The following HTRA1 variants were observed in gnomAD, a reference collection of about 807,000 sequenced individuals.
HTRA1 encodes HtrA serine peptidase 1, also known as serine protease HTRA1.
HTRA1 carries 26 observed loss-of-function variants against 49.7 expected under a neutral mutation model. That is an observed-to-expected ratio of 0.52 (90% CI 0.38 to 0.73). The LOEUF (loss-of-function observed/expected upper bound fraction) is 0.73, where lower values mean the gene tolerates loss of function less well. HTRA1 is among the 30% of genes least tolerant of loss of function. The probability of loss-of-function intolerance (pLI) is 0.00; values close to 1 mark genes in which losing one functional copy is unlikely to be tolerated. For synonymous variants in HTRA1, 291 were observed against 286.9 expected, an observed-to-expected ratio of 1.01 and a Z score of -0.14; for missense variants, 561 against 667.2, an observed-to-expected ratio of 0.84 and a Z score of 1.75.
chr10:122,494,308 G>A lies in HTRA1; in HGVS notation c.777+4682G>A, dbSNP rs901341848. ...TAGGACGTTCACAGCTGTCTGCCCCGGAGGAAGCAAGGGCACCCGCCACAT... is the reference window on the plus strand; with the variant it reads ...TAGGACGTTCACAGCTGTCTGCCCCAGAGGAAGCAAGGGCACCCGCCACAT... On this transcript the variant is annotated intron_variant, in intron 3 of 8. Coordinates refer to ENST00000368984, the MANE Select transcript of HTRA1 (RefSeq NM_002775.5). This position sits in a 1 kb window ranked among gnomAD's most constrained non-coding sequence, Gnocchi z 4.0. Among the ~76,000 whole-genome samples the A allele has an allele frequency of 1.3e-5, 2 of 152,116 alleles. No homozygotes were observed. The highest frequency in any genetic ancestry group is 2.1e-4 in the South Asian group (1 of 4,818).
chr10:122,479,278 G>C (rs1298214820), intron 1 of HTRA1, among the ~76,000 whole-genome samples: 1 of 152,132 alleles, frequency 6.6e-6, no homozygotes, highest in Non-Finnish European at 1.5e-5. Context: ...GCTGGAGGCT[G>C]GCTGAGAAGG....
At chr10:122,507,079 A>G (rs1272096584) in intron 4 of HTRA1, among the ~76,000 whole-genome samples, 194 bp downstream of exon 4, 2 of 152,196 alleles carry the variant, frequency 1.3e-5, no homozygotes, top group Non-Finnish European at 2.9e-5. Context: ...GAGCAGGTGG[A>G]CAGCCAGCCT....
rs1370447426 is a variant in HTRA1, at chr10:122,461,784, G to A, written c.132G>A (p.Ala44=). Reference sequence around the variant, plus strand: ...GGTGCCCAGACCGCTGCGAGCCGGCGCGCTGCCCGCCGCAGCCGGAGCACT... The same window carrying A: ...GGTGCCCAGACCGCTGCGAGCCGGCACGCTGCCCGCCGCAGCCGGAGCACT... ...AAGCPDRCEP[A]RCPPQPEHCE... is the part of the protein sequence containing the mutation. The change falls in exon 1 of 9, where the codon GCG becomes GCA. Residue 44 remains alanine (A), a synonymous_variant. Transcript: ENST00000368984. The A allele has an allele frequency of 1.9e-6, 2 of 1,049,308 alleles. No individual in the cohort carries two copies. The highest frequency in any genetic ancestry group is 3.4e-5 in the African/African-American group (2 of 58,188). The allele number at this position is 1,049,308 out of a possible 1,614,324, so 65.0% of individuals were successfully genotyped here. A position where few individuals can be genotyped will look rare whatever the true frequency, so the allele number is the denominator to read the frequency against.
Position 122,461,667 on chromosome 10 carries a change from C to T in HTRA1, c.15C>T (p.Arg5=). ...CCAGAGTCGCCATGCAGATCCCGCGCGCCGCTCTTCTCCCGCTGCTGCTGC... is the reference window on the plus strand; with the variant it reads ...CCAGAGTCGCCATGCAGATCCCGCGTGCCGCTCTTCTCCCGCTGCTGCTGC... MQIP[R]AALLPLLLLL... is the part of the protein sequence containing the mutation. Residue 5 remains arginine, a synonymous_variant, in exon 1 of 9, where the codon CGC becomes CGT. Transcript: ENST00000368984. 1 of 1,314,310 alleles carries T rather than the reference C, an allele frequency of 7.6e-7. No individual in the cohort carries two copies. The allele number at this position is 1,314,310 out of a possible 1,614,324, so 81.4% of individuals were successfully genotyped here. A position where few individuals can be genotyped will look rare whatever the true frequency, so the allele number is the denominator to read the frequency against.
At chr10:122,495,032 G>A (rs776641524) in intron 3 of HTRA1, among the ~76,000 whole-genome samples, 7 of 151,928 alleles carry the variant, frequency 4.6e-5, no homozygotes, top group Non-Finnish European at 7.4e-5. Flanking sequence ...GACTCACGCC[G>A]GTTCTCCTCA....
At chr10:122,469,675 C>T (rs2097485298) in intron 1 of HTRA1, among the ~76,000 whole-genome samples, 1 of 152,144 alleles carries the variant, frequency 6.6e-6, no homozygotes, top group African/African-American at 2.4e-5. Context: ...CCCAGAGAGG[C>T]AGGGCATTAT....
At chr10:122,477,259 G>T (rs1034696069) in intron 1 of HTRA1, among the ~76,000 whole-genome samples, 5 of 152,176 alleles carry the variant, frequency 3.3e-5, no homozygotes, top group Non-Finnish European at 7.3e-5. Flanking sequence ...GAGCCACCAT[G>T]CCCGGCCTGT....
chr10:122,503,582 C>T (rs1033228945), intron 3 of HTRA1, among the ~76,000 whole-genome samples: 3 of 152,184 alleles, frequency 2.0e-5, no homozygotes, highest in Non-Finnish European at 2.9e-5. Flanking sequence ...ATGTACTGGG[C>T]GTGTGGGTCT....
chr10:122,493,528 G>T (rs935715059), intron 3 of HTRA1, among the ~76,000 whole-genome samples: 2 of 152,116 alleles, frequency 1.3e-5, no homozygotes, highest in Non-Finnish European at 2.9e-5. Context: ...GCAGTTTGGG[G>T]CAGGGGTGGG....
At chr10:122,491,033 G>T (rs1334902215) in intron 3 of HTRA1, among the ~76,000 whole-genome samples, 6 of 152,204 alleles carry the variant, frequency 3.9e-5, no homozygotes, top group Non-Finnish European at 7.3e-5. Flanking sequence ...CTGCAGTTGT[G>T]TGTTATTTCT....
chr10:122,476,310 A>C (rs2097488441), intron 1 of HTRA1, among the ~76,000 whole-genome samples: 1 of 152,182 alleles, frequency 6.6e-6, no homozygotes, highest in Admixed American at 6.5e-5. Context: ...AACCTCACAA[A>C]GGGAGCTTTT....
chr10:122,480,209 T>TA (rs2097490382), intron 1 of HTRA1, among the ~76,000 whole-genome samples: 1 of 151,878 alleles, frequency 6.6e-6, no homozygotes, highest in Non-Finnish European at 1.5e-5. Context: ...GGCATTAACT[T>TA]AGAGCCGAAA....
At chr10:122,492,019 C>A (rs2097496095) in intron 3 of HTRA1, among the ~76,000 whole-genome samples, 1 of 152,130 alleles carries the variant, frequency 6.6e-6, no homozygotes, top group Non-Finnish European at 1.5e-5. Flanking sequence ...GAAGCTCTGG[C>A]TGGCCTTGCT....
intron 2 of HTRA1, 62 bp downstream of exon 2, chr10:122,489,063 G>A (rs2133438442): frequency 8.6e-7 from 1 of 1,164,910 alleles, no homozygotes; most frequent in Admixed American, 1.7e-5. Flanking sequence ...AGCAAAACAT[G>A]AGAGCTATTT....
intron 1 of HTRA1, among the ~76,000 whole-genome samples, chr10:122,474,243 G>T (rs2097487447): frequency 6.6e-6 from 1 of 152,172 alleles, no homozygotes; most frequent in South Asian, 2.1e-4. Flanking sequence ...TTACCACTGA[G>T]GTAACTGAGG....
intron 5 of HTRA1, 79 bp downstream of exon 5, chr10:122,507,481 T>C: frequency 2.6e-6 from 3 of 1,142,306 alleles, no homozygotes; most frequent in East Asian, 2.3e-5. Context: ...GTTTGTTGTT[T>C]GTTTGTTTTT....
At chr10:122,477,134 A>AT (rs1161265190) in intron 1 of HTRA1, among the ~76,000 whole-genome samples, 2 of 151,380 alleles carry the variant, frequency 1.3e-5, no homozygotes, top group Non-Finnish European at 1.5e-5. Context: ...TGCCTGGCTA[A>AT]TTTTTTGTAT....
At chr10:122,467,811 G>C (rs2097484380) in intron 1 of HTRA1, among the ~76,000 whole-genome samples, 1 of 152,102 alleles carries the variant, frequency 6.6e-6, no homozygotes, top group African/African-American at 2.4e-5. Flanking sequence ...CCTATTAATA[G>C]AGAAACCGAG....
At chr10:122,505,244 C>A (rs1485266456) in intron 3 of HTRA1, among the ~76,000 whole-genome samples, 5 of 152,144 alleles carry the variant, frequency 3.3e-5, no homozygotes, top group Non-Finnish European at 4.4e-5. Flanking sequence ...GTGCTCTTGA[C>A]CATGGACAGT....
Sources: allele counts gnomAD v4.1 joint callset (sites outside exome capture counted in the v4.1 genomes callset), GRCh38; gene constraint gnomAD v4.1.1; non-coding constraint Gnocchi (gnomAD v3.1); transcripts MANE v1.5; gene names NCBI Gene and HGNC (gene_info 2026-07-23, HGNC 2026-07-21).